GRK5: variants seen among roughly 807,000 people sequenced by gnomAD.
The protein encoded by GRK5 is G protein-coupled receptor kinase 5, also known as g protein-coupled receptor kinase GRK5.
GRK5 carries 40 observed loss-of-function variants against 78.4 expected under a neutral mutation model. The observed-to-expected ratio is 0.51, with a 90% confidence interval of 0.40 to 0.66. The LOEUF (loss-of-function observed/expected upper bound fraction) is 0.66. Ranked by LOEUF, GRK5 falls within the 30% of genes least tolerant of loss-of-function variation. The pLI is 0.00. For synonymous variants in GRK5, 289 were observed against 296.8 expected (o/e 0.97, Z 0.27); for missense variants, 598 against 759.9 (o/e 0.79, Z 2.50).
intron 2 of GRK5, among the ~76,000 whole-genome samples, chr10:119,358,783 A>G (rs1412070757): frequency 6.6e-6 from 1 of 152,146 alleles, no homozygotes; most frequent in Non-Finnish European, 1.5e-5. Context: ...CTTAGACAAC[A>G]GGTATTTCTT....
intron 1 of GRK5, among the ~76,000 whole-genome samples, chr10:119,248,693 C>T (rs1007368994): frequency 6.6e-6 from 1 of 151,626 alleles, no homozygotes; most frequent in Admixed American, 6.6e-5. Flanking sequence ...CTGATTTTTT[C>T]ATTTTTAAAT....
intron 9 of GRK5, among the ~76,000 whole-genome samples, chr10:119,438,182 C>T (rs1405827968): frequency 1.3e-5 from 2 of 152,130 alleles, no homozygotes; most frequent in Admixed American, 6.5e-5. Context: ...GGGGTTTTGA[C>T]ATCTGGAGTG....
At chr10:119,435,074 C>T (rs534864071) in intron 8 of GRK5, among the ~76,000 whole-genome samples, 10 of 152,212 alleles carry the variant, frequency 6.6e-5, no homozygotes, top group Non-Finnish European at 1.2e-4. Flanking sequence ...AGCTGGGACT[C>T]AGGGCACTGG....
At chr10:119,418,675 A>G (rs1852511420) in intron 4 of GRK5, among the ~76,000 whole-genome samples, 1 of 152,174 alleles carries the variant, frequency 6.6e-6, no homozygotes, top group South Asian at 2.1e-4. Context: ...CTTCAAGCAG[A>G]GAAACTCCCC....
At chr10:119,367,219 A>T (rs1377218048) in intron 2 of GRK5, among the ~76,000 whole-genome samples, 2 of 152,212 alleles carry the variant, frequency 1.3e-5, no homozygotes, top group Admixed American at 1.3e-4. Flanking sequence ...AAATCCCGAC[A>T]CCACGAGCTA....
chr10:119,314,249 C>T (rs1012037677), intron 1 of GRK5, among the ~76,000 whole-genome samples: 2 of 152,366 alleles, frequency 1.3e-5, no homozygotes, highest in African/African-American at 2.4e-5. Context: ...GAAAGGGTTC[C>T]AGCCCCTCTC....
rs147556604 is a variant in GRK5 at position 119,283,529 on chromosome 10, C to T, written c.53-42987C>T. 2.6e-4 allele frequency among the ~76,000 whole-genome samples: 39 copies of T among 152,336 alleles called. 1 individual carries two copies. The East Asian group carries it at 7.1e-3, about 28-fold the overall frequency. ...GGCCTTGAGTTCCAGGCTTCAGGAA[C>T]GCCTGCCCGTGCCCGGGCTCTGTAT... On this transcript the variant is annotated intron_variant, in intron 1 of 15. Transcript: ENST00000392870.
At chr10:119,305,517 T>C (rs1311446803) in intron 1 of GRK5, among the ~76,000 whole-genome samples, 1 of 152,222 alleles carries the variant, frequency 6.6e-6, no homozygotes, top group East Asian at 1.9e-4. Context: ...CAAATTTTGA[T>C]AGCTGCTTTT....
At chr10:119,444,458 C>T (rs1184219989) in intron 12 of GRK5, among the ~76,000 whole-genome samples, 1 of 152,186 alleles carries the variant, frequency 6.6e-6, no homozygotes, top group East Asian at 1.9e-4. Flanking sequence ...TCAGGCCCTT[C>T]CCTGGGAACC....
At position 119,443,752 on chromosome 10, in the gene GRK5, G is replaced by A. The variant is rs1853087017; in HGVS notation, c.1266G>A (p.Met422Ile). ...AGGAGGCCAAGTCCATCTGCAAGAT[G>A]GTGAGCTCCTGGTGGCCAGATGCCA... is the stretch of plus-strand genomic sequence containing the variant. ...FSEEAKSICK[M>I]LLTKDAKQRL... Residue 422 changes from methionine to isoleucine, a missense_variant and splice_region_variant, in exon 12 of 16, where the codon ATG becomes ATA. Transcript: ENST00000392870. 5 of 1,593,362 alleles carry A rather than the reference G, an allele frequency of 3.1e-6. No individual in the cohort carries two copies. Among genetic ancestry groups the A allele is most frequent in the Admixed American group, 3.4e-5 (2 of 59,430 alleles).
intron 1 of GRK5, among the ~76,000 whole-genome samples, chr10:119,260,252 C>A (rs1021905544): frequency 6.6e-6 from 1 of 152,186 alleles, no homozygotes; most frequent in South Asian, 2.1e-4. Flanking sequence ...CCACCCGCCT[C>A]GGCCTCCCAA....
intron 1 of GRK5, among the ~76,000 whole-genome samples, chr10:119,310,969 C>T (rs1465463794): frequency 1.3e-4 from 20 of 152,174 alleles, no homozygotes. Context: ...GAAGAAGGGA[C>T]TCTTGATCCA....
intron 2 of GRK5, among the ~76,000 whole-genome samples, chr10:119,351,635 G>A (rs1851186324): frequency 6.6e-6 from 1 of 152,132 alleles, no homozygotes; most frequent in Non-Finnish European, 1.5e-5. Context: ...GCAGAGTGAG[G>A]ATGGACTAAG....
At chr10:119,339,913 A>G (rs1289452035) in intron 2 of GRK5, among the ~76,000 whole-genome samples, 1 of 152,030 alleles carries the variant, frequency 6.6e-6, no homozygotes, top group Non-Finnish European at 1.5e-5. Context: ...CAAAAACAAA[A>G]CCAACAACCA....
chr10:119,419,109 T>A (rs1330334716), intron 4 of GRK5, among the ~76,000 whole-genome samples: 2 of 151,912 alleles, frequency 1.3e-5, no homozygotes, highest in Non-Finnish European at 2.9e-5. Flanking sequence ...GCCTGTAGGG[T>A]TCCCCCCTCT....
chr10:119,374,681 G>A (rs1302939866), intron 2 of GRK5, among the ~76,000 whole-genome samples: 1 of 152,226 alleles, frequency 6.6e-6, no homozygotes, highest in Non-Finnish European at 1.5e-5. Context: ...TGCTGGTACA[G>A]TTTGGATATT....
intron 4 of GRK5, among the ~76,000 whole-genome samples, chr10:119,413,371 C>T (rs1333887213): frequency 1.3e-5 from 2 of 151,382 alleles, no homozygotes; most frequent in Non-Finnish European, 2.9e-5. Context: ...CTATCTCCTT[C>T]TTTCCTGCTG....
At chr10:119,319,042 T>G (rs909491055) in intron 1 of GRK5, among the ~76,000 whole-genome samples, 3 of 152,246 alleles carry the variant, frequency 2.0e-5, no homozygotes, top group Non-Finnish European at 4.4e-5. Context: ...ACTTGGCTTC[T>G]GCCTTCCATC....
At chr10:119,344,546 C>T (rs1851045051) in intron 2 of GRK5, among the ~76,000 whole-genome samples, 1 of 152,248 alleles carries the variant, frequency 6.6e-6, no homozygotes, top group South Asian at 2.1e-4. Flanking sequence ...GTTCCCGCTG[C>T]CCACCTGTCC....
Sources: gnomAD v4.1 joint callset for allele counts (sites outside exome capture counted in the v4.1 genomes callset) on GRCh38, gnomAD v4.1.1 for gene constraint, MANE v1.5 for transcripts, NCBI Gene and HGNC (gene_info 2026-07-23, HGNC 2026-07-21) for gene names.